The following MYO16 variants were observed in gnomAD, a reference collection of about 807,000 sequenced individuals.
The protein encoded by MYO16 is myosin XVI.
In MYO16, 94 loss-of-function variants were observed where a neutral mutation model predicts 205.3. The ratio of observed to expected loss-of-function variants is 0.46; its 90% CI spans 0.39 to 0.54. The LOEUF (loss-of-function observed/expected upper bound fraction) is 0.54, where lower values mean the gene tolerates loss of function less well. Among genes scored for constraint, MYO16 ranks in the 20% least tolerant of loss-of-function variants. The pLI is 0.00. For synonymous variants in MYO16, 988 were observed against 954.0 expected (o/e 1.04, Z -0.66); for missense variants, 2,315 against 2,387.5 (o/e 0.97, Z 0.63).
Position 108,851,164 on chromosome 13 carries a change from T to C in MYO16, c.1249-4279T>C, listed in dbSNP as rs573945506. Among the ~76,000 whole-genome samples, 3 of 152,348 alleles carry C rather than the reference T, an allele frequency of 2.0e-5. No homozygotes were observed. The South Asian group carries it at 6.2e-4, about 32-fold the overall frequency. On this transcript the variant is annotated intron_variant, in intron 10 of 34. Transcript: ENST00000457511. ...GATTTCTTTAGGAGTTAAAGATGTA[T>C]GCTAACTTGCTGGAGAGTTTTGCCT...
chr13:109,002,975 G>T (rs533528067), intron 21 of MYO16, among the ~76,000 whole-genome samples: 1 of 152,204 alleles, frequency 6.6e-6, no homozygotes, highest in South Asian at 2.1e-4. Flanking sequence ...TGTTCTAGTG[G>T]TTTTGAATTT....
intron 34 of MYO16, among the ~76,000 whole-genome samples, chr13:109,196,903 C>G (rs968198972): frequency 6.6e-6 from 1 of 152,172 alleles, no homozygotes; most frequent in African/African-American, 2.4e-5. Context: ...AGCTTATTCA[C>G]CAAACAATTT....
chr13:108,696,401 C>T (rs1361765603), intron 2 of MYO16, among the ~76,000 whole-genome samples: 2 of 152,088 alleles, frequency 1.3e-5, no homozygotes, highest in Admixed American at 1.3e-4. Flanking sequence ...CCTACACAGC[C>T]AAAAGAGGAA....
chr13:108,950,619 G>C (rs577276783), intron 16 of MYO16, among the ~76,000 whole-genome samples: 62 of 152,318 alleles, frequency 4.1e-4, no homozygotes, highest in Middle Eastern at 3.4e-3. Flanking sequence ...GTACAGCCGT[G>C]CTAGAAAAGA....
chr13:108,548,470 A>C, the MYO16 span, among the ~76,000 whole-genome samples: 284 of 150,504 alleles, frequency 1.9e-3, 1 homozygote, highest in African/African-American at 6.7e-3. Context: ...TTGGTGGTGA[A>C]GACGATGATG....
At chr13:109,000,060 G>A (rs1024512416) in intron 21 of MYO16, among the ~76,000 whole-genome samples, 2 of 152,118 alleles carry the variant, frequency 1.3e-5, no homozygotes, top group African/African-American at 4.8e-5. Flanking sequence ...TGATTAAAAG[G>A]AAATGTTACA....
At chr13:108,964,517 CA>C (rs890719096) in intron 19 of MYO16, among the ~76,000 whole-genome samples, 3 of 152,174 alleles carry the variant, frequency 2.0e-5, no homozygotes, top group Non-Finnish European at 2.9e-5. Context: ...ACACAACCTA[CA>C]ATAAAGGTGG....
At chr13:108,952,559 C>T (rs1199348454) in intron 16 of MYO16, among the ~76,000 whole-genome samples, 6 of 152,196 alleles carry the variant, frequency 3.9e-5, no homozygotes, top group Non-Finnish European at 7.3e-5. Context: ...TAGTTCCCAT[C>T]GCCTTTCCCT....
chr13:109,119,226 ACACACGTGC>A (rs2139757901), intron 28 of MYO16, among the ~76,000 whole-genome samples: 1 of 152,308 alleles, frequency 6.6e-6, no homozygotes, highest in Admixed American at 6.5e-5. Context: ...GATGATGTGT[ACACACGTGC>A]CAGCGTCTGG....
At chr13:109,145,299 A>G (rs1877277576) in intron 32 of MYO16, among the ~76,000 whole-genome samples, 1 of 151,882 alleles carries the variant, frequency 6.6e-6, no homozygotes, top group Non-Finnish European at 1.5e-5. Context: ...GAGTGCAGTA[A>G]CTCTGTCTCT....
the MYO16 span, among the ~76,000 whole-genome samples, chr13:108,562,517 T>C: frequency 1.3e-5 from 2 of 152,186 alleles, no homozygotes; most frequent in African/African-American, 4.8e-5. Context: ...ATGGCATATT[T>C]ATATAACAGC....
At chr13:109,049,566 T>C (rs1223516217) in intron 24 of MYO16, among the ~76,000 whole-genome samples, 1 of 135,744 alleles carries the variant, frequency 7.4e-6, no homozygotes, top group Non-Finnish European at 1.6e-5. Flanking sequence ...TTTTTAAATC[T>C]TTTATTTTTC....
chr13:108,917,418 C>T (rs981802690), intron 16 of MYO16, among the ~76,000 whole-genome samples: 2 of 152,212 alleles, frequency 1.3e-5, no homozygotes, highest in Non-Finnish European at 1.5e-5. Context: ...ACTCCAACTA[C>T]CTGAAAGACT....
chr13:108,528,573 C>CCTCCT, the MYO16 span, among the ~76,000 whole-genome samples: 2 of 101,642 alleles, frequency 2.0e-5, no homozygotes, highest in African/African-American at 4.0e-5. Context: ...TCTCCTCTCC[C>CCTCCT]CTCCCCTCCC....
chr13:108,798,785 A>C (rs1217196485), intron 6 of MYO16, among the ~76,000 whole-genome samples: 1 of 133,640 alleles, frequency 7.5e-6, no homozygotes, highest in African/African-American at 2.9e-5. Flanking sequence ...GGCTCACTGC[A>C]AGCTCCGCCT....
At chr13:108,600,778 A>G (rs1046227780) in intron 1 of MYO16, among the ~76,000 whole-genome samples, 1 of 152,206 alleles carries the variant, frequency 6.6e-6, no homozygotes, top group African/African-American at 2.4e-5. Context: ...TGCAAAATGT[A>G]GTAAATGCAG....
chr13:108,825,672 G>A lies in MYO16; in HGVS notation c.1097+2394G>A, dbSNP rs541268444. Among the ~76,000 whole-genome samples the A allele has an allele frequency of 1.3e-4, 20 of 151,956 alleles. No homozygotes were observed. In the South Asian group the frequency reaches 3.7e-3, roughly 28 times the overall value. ...CTATGTTCAGATGACATAATCTTGT[G>A]TATAGAAAATTCTAAGGAATTTACA... On this transcript the variant is annotated intron_variant, in intron 9 of 34. Transcript: ENST00000457511.
chr13:108,738,498 G>C (rs1450853007), intron 4 of MYO16, among the ~76,000 whole-genome samples: 1 of 152,140 alleles, frequency 6.6e-6, no homozygotes, highest in Non-Finnish European at 1.5e-5. Flanking sequence ...TGTGGTCTGA[G>C]AGACAGTTTG....
intron 4 of MYO16, among the ~76,000 whole-genome samples, chr13:108,754,646 T>C (rs1885363469): frequency 2.0e-5 from 3 of 152,214 alleles, no homozygotes; most frequent in Admixed American, 2.0e-4. Context: ...AGTTGTATAC[T>C]CCTTAGTATA....
Sources: allele counts gnomAD v4.1 joint callset (sites outside exome capture counted in the v4.1 genomes callset), GRCh38; gene constraint gnomAD v4.1.1; transcripts MANE v1.5; gene names NCBI Gene and HGNC (gene_info 2026-07-23, HGNC 2026-07-21).